PARD6G: variants seen among roughly 807,000 people sequenced by gnomAD.
PARD6G encodes par-6 family cell polarity regulator gamma, also known as partitioning defective 6 homolog gamma.
PARD6G carries 7 observed loss-of-function variants against 10.7 expected under a neutral mutation model. That is an observed-to-expected ratio of 0.66 (90% CI 0.37 to 1.23). PARD6G has a LOEUF of 1.23. PARD6G is among the 50% of genes most tolerant of loss of function. The pLI is 0.02. For synonymous variants in PARD6G, 287 were observed against 269.4 expected (o/e 1.07, Z -0.64); for missense variants, 548 against 571.8 (o/e 0.96, Z 0.42).
In PARD6G at chr18:80,215,071, T is replaced by C. The variant is rs944354657; in HGVS notation, c.73-12139A>G. On this transcript the variant is annotated intron_variant, in intron 1 of 2. Coordinates refer to ENST00000353265, the MANE Select transcript of PARD6G (RefSeq NM_032510.4). The stretch of plus-strand genomic sequence containing the variant: ...GAGACCAAAATGCTGTGGAATGACA[T>C]ACTTCAAGTTTGGGGAAGGCAGTGG... 2.0e-5 allele frequency among the ~76,000 whole-genome samples: 3 copies of C among 151,230 alleles called. No individual in the cohort carries two copies. In the East Asian group the frequency reaches 5.8e-4, roughly 29 times the overall value.
chr18:80,166,651 G>A (rs980760645), intron 2 of PARD6G, among the ~76,000 whole-genome samples: 1 of 151,120 alleles, frequency 6.6e-6, no homozygotes, highest in African/African-American at 2.4e-5. Flanking sequence ...GGGGAGGTAC[G>A]TGCCCCTTTC....
At chr18:80,163,140 C>G (rs1481222594) in intron 2 of PARD6G, among the ~76,000 whole-genome samples, 1 of 152,184 alleles carries the variant, frequency 6.6e-6, no homozygotes, top group East Asian at 1.9e-4. Flanking sequence ...ACCCCTCTGG[C>G]AAACTCATGC....
At position 80,188,750 on chromosome 18, in the gene PARD6G, GC is replaced by G. The variant is rs2052892770; in HGVS notation, c.295+13959del. ...CATCTCAGAAGATGGGCAGCTCTCG[GC>G]CAGTCACCCTGGCCTGGGATGGCCG... is the stretch of plus-strand genomic sequence containing the variant. On this transcript the variant is annotated intron_variant, in intron 2 of 2. Transcript: ENST00000353265. This position sits in a 1 kb window ranked among gnomAD's most constrained non-coding sequence, Gnocchi z 5.4. Among the ~76,000 whole-genome samples, 1 of 152,132 alleles carries G rather than the reference GC, an allele frequency of 6.6e-6. No individual in the cohort carries two copies. Among genetic ancestry groups the G allele is most frequent in the Non-Finnish European group, 1.5e-5 (1 of 68,042 alleles).
intron 1 of PARD6G, among the ~76,000 whole-genome samples, chr18:80,205,934 A>G (rs1329451842): frequency 6.6e-6 from 1 of 152,242 alleles, no homozygotes; most frequent in African/African-American, 2.4e-5. Context: ...TGAATTTTAT[A>G]TAATTCTCAC....
intron 2 of PARD6G, among the ~76,000 whole-genome samples, chr18:80,197,853 C>A (rs999534129): frequency 6.6e-6 from 1 of 152,216 alleles, no homozygotes; most frequent in African/African-American, 2.4e-5. Context: ...GTCCTTAACA[C>A]TTAACACATT....
chr18:80,212,273 G>T (rs1967116926), intron 1 of PARD6G, among the ~76,000 whole-genome samples: 4 of 152,176 alleles, frequency 2.6e-5, no homozygotes. Context: ...TTCCTGCCTT[G>T]TTCCCTGAGC....
intron 1 of PARD6G, among the ~76,000 whole-genome samples, chr18:80,243,769 G>T (rs1428374365): frequency 6.6e-6 from 1 of 152,114 alleles, no homozygotes; most frequent in East Asian, 1.9e-4. Flanking sequence ...TGTCTAAGAA[G>T]GTCCTCAGGA....
chr18:80,164,344 C>A (rs1185715201), intron 2 of PARD6G, among the ~76,000 whole-genome samples: 1 of 152,228 alleles, frequency 6.6e-6, no homozygotes, highest in Non-Finnish European at 1.5e-5. Context: ...CCAACTACTG[C>A]AAATCCCTCC....
At chr18:80,197,288 G>C (rs1966966688) in intron 2 of PARD6G, among the ~76,000 whole-genome samples, 1 of 152,142 alleles carries the variant, frequency 6.6e-6, no homozygotes, top group Admixed American at 6.5e-5. Flanking sequence ...TTCTATGCTT[G>C]ATACTTGAAA....
In PARD6G at chr18:80,184,117, A is replaced by C. The variant is rs1173259525; in HGVS notation, c.295+18593T>G. 3.3e-5 allele frequency: 5 copies of C among 152,264 alleles called. No homozygotes were observed. Among genetic ancestry groups the C allele is most frequent in the Non-Finnish European group, 7.3e-5 (5 of 68,056 alleles). 9.4% of individuals were successfully genotyped at this position (152,264 alleles called of 1,614,324 possible). On this transcript the variant is annotated intron_variant, in intron 2 of 2. Transcript: ENST00000353265. The surrounding 1 kb of genome is among the most constrained non-coding windows in gnomAD (Gnocchi z 4.5). ...GTGAGAAAGAAACACTAGGGCTTCA[A>C]CCAGATGAGGGGCGTTTAGGAAAAC...
rs1232978453 is a variant in PARD6G at position 80,192,570 on chromosome 18, G to T, written c.295+10140C>A. On this transcript the variant is annotated intron_variant, in intron 2 of 2. Coordinates refer to ENST00000353265, the MANE Select transcript of PARD6G (RefSeq NM_032510.4). This position sits in a 1 kb window ranked among gnomAD's most constrained non-coding sequence, Gnocchi z 4.9. ...GGGGAGAGCAGGTGCCACGGCGGGA[G>T]CCTGAAGCTCCACAATTGCCAAGGC... is the stretch of plus-strand genomic sequence containing the variant. 6.6e-6 allele frequency among the ~76,000 whole-genome samples: 1 copy of T among 152,122 alleles called. No individual in the cohort carries two copies. Among genetic ancestry groups the T allele is most frequent in the Non-Finnish European group, 1.5e-5 (1 of 68,006 alleles).
rs1568436278 is a variant in PARD6G, at chr18:80,202,735, C to G, written c.270G>C (p.Leu90=). ...FCKAVSSANP[L]LRVFIQKREE... The stretch of plus-strand genomic sequence containing the variant: ...CTCGTTTCTGGATGAAGACCCTGAG[C>G]AGGGGATTTGCACTAGAAACCGCCT... Residue 90 remains leucine (L), a synonymous_variant, in exon 2 of 3, where the codon CTG becomes CTC. Coordinates refer to ENST00000353265, the MANE Select transcript of PARD6G (RefSeq NM_032510.4). The G allele has an allele frequency of 6.2e-7, 1 of 1,613,324 alleles. No individual in the cohort carries two copies. Among genetic ancestry groups the G allele is most frequent in the East Asian group, 2.2e-5 (1 of 44,882 alleles).
At chr18:80,187,250 G>C (rs1177216725) in intron 2 of PARD6G, among the ~76,000 whole-genome samples, 1 of 152,212 alleles carries the variant, frequency 6.6e-6, no homozygotes, top group African/African-American at 2.4e-5. Context: ...GCCTGGCTGA[G>C]GGGATGGCAC....
intron 1 of PARD6G, among the ~76,000 whole-genome samples, chr18:80,244,865 C>A (rs1967528147): frequency 6.6e-6 from 1 of 152,082 alleles, no homozygotes; most frequent in Non-Finnish European, 1.5e-5. Context: ...CAAATATTAA[C>A]CATAAAGTGG....
At chr18:80,172,744 A>G (rs775741678) in intron 2 of PARD6G, among the ~76,000 whole-genome samples, 41 of 152,220 alleles carry the variant, frequency 2.7e-4, no homozygotes, top group Non-Finnish European at 5.4e-4. Flanking sequence ...AGTCTCTTCT[A>G]AGAAACATGA....
chr18:80,177,801 A>G (rs982906649), intron 2 of PARD6G, among the ~76,000 whole-genome samples: 12 of 152,102 alleles, frequency 7.9e-5, no homozygotes, highest in African/African-American at 2.9e-4. Context: ...GGAAGCACAC[A>G]CACACATACA....
intron 1 of PARD6G, among the ~76,000 whole-genome samples, chr18:80,236,468 T>G (rs763719615): frequency 4.6e-5 from 7 of 152,028 alleles, no homozygotes; most frequent in Non-Finnish European, 1.0e-4. Context: ...CCCTCACCAC[T>G]CCTATTCAAC....
intron 2 of PARD6G, among the ~76,000 whole-genome samples, chr18:80,173,320 C>T (rs144359665): frequency 6.6e-6 from 1 of 152,216 alleles, no homozygotes; most frequent in East Asian, 1.9e-4. Flanking sequence ...ACCAACCCAA[C>T]CTGCTTGGAA....
At chr18:80,203,153 T>C (rs1204314339) in intron 1 of PARD6G, among the ~76,000 whole-genome samples, 6 of 152,176 alleles carry the variant, frequency 3.9e-5, no homozygotes, top group African/African-American at 1.2e-4. Flanking sequence ...TCTCTTCCTT[T>C]GGGTAGAAAC....
Sources: allele counts gnomAD v4.1 joint callset (sites outside exome capture counted in the v4.1 genomes callset), GRCh38; gene constraint gnomAD v4.1.1; non-coding constraint Gnocchi (gnomAD v3.1); transcripts MANE v1.5; gene names NCBI Gene and HGNC (gene_info 2026-07-23, HGNC 2026-07-21).